The following FBXL22 variants were observed in gnomAD, a reference collection of about 807,000 sequenced individuals.
FBXL22 encodes the protein F-box and leucine-rich protein 22.
Under a neutral mutation model 11.7 loss-of-function variants are expected in FBXL22, and 13 were observed. The ratio of observed to expected loss-of-function variants is 1.11; its 90% confidence interval spans 0.73 to 1.77. The LOEUF (loss-of-function observed/expected upper bound fraction) is 1.77, where lower values mean the gene tolerates loss of function less well. FBXL22 is among the 40% of genes most tolerant of loss of function. The pLI, the probability that FBXL22 is intolerant of heterozygous loss-of-function variation, is 0.00. For synonymous variants in FBXL22, 160 were observed against 144.1 expected, an observed-to-expected ratio of 1.11 and a Z score of -0.79; for missense variants, 406 against 320.4, an observed-to-expected ratio of 1.27 and a Z score of -2.04.
At chr15:63,604,849 G>A (rs564957950), downstream of FBXL22, among the ~76,000 whole-genome samples, 41 of 152,314 alleles carry the variant, frequency 2.7e-4, no homozygotes, top group South Asian at 7.7e-3. Flanking sequence ...GAGGTCAGGA[G>A]TTCAAGACCG....
intron 1 of FBXL22, chr15:63,599,312 G>T: frequency 1.4e-6 from 2 of 1,466,654 alleles, no homozygotes; most frequent in Non-Finnish European, 1.8e-6. Context: ...CCCTGTATCA[G>T]AATTATTCCA....
chr15:63,600,522 G>A (rs1394313094), intron 1 of FBXL22, 175 bp from the exon 2 acceptor site: 3 of 1,228,730 alleles, frequency 2.4e-6, no homozygotes, highest in Non-Finnish European at 2.0e-6. Context: ...AGAAAGAGGA[G>A]GGAAAATGGG....
In FBXL22 at chr15:63,600,763, C is replaced by T; in HGVS notation, c.420C>T (p.Arg140=). Residue 140 remains arginine, a synonymous_variant, in exon 2 of 2, where the codon CGC becomes CGT. Coordinates refer to ENST00000638704, the MANE Select transcript of FBXL22 (RefSeq NM_001367807.1). ...ACGTTACCGACGACTGCCTGGCGCG[C>T]CTGCTGCGCTGCTGCCCACGCCTGC... ...CGHVTDDCLA[R]LLRCCPRLRA... 8.1e-7 allele frequency: 1 copy of T among 1,231,462 alleles called. No homozygotes were observed. Among genetic ancestry groups the T allele is most frequent in the Non-Finnish European group, 1.0e-6 (1 of 987,736 alleles). 76.3% of individuals were successfully genotyped at this position (1,231,462 alleles called of 1,614,324 possible). A position where few individuals can be genotyped will look rare whatever the true frequency, so the allele number is the denominator to read the frequency against.
chr15:63,600,863 C>T lies in FBXL22; in HGVS notation c.520C>T (p.Leu174=), dbSNP rs1465642926. ...TGCCGTGGCGGCGGACGGGCGCGCG[C>T]TGCAGACATTGCACGTGGACTTCTG... ...LAAVAADGRA[L]QTLHVDFCRN... Residue 174 remains leucine, a synonymous_variant, in exon 2 of 2, where the codon CTG becomes TTG. Transcript: ENST00000638704. 2.0e-4 allele frequency: 244 copies of T among 1,229,258 alleles called. No homozygotes were observed. Among genetic ancestry groups the T allele is most frequent in the Non-Finnish European group, 2.4e-4 (235 of 986,450 alleles). The allele number at this position is 1,229,258 out of a possible 1,614,324, so 76.1% of individuals were successfully genotyped here. A position where few individuals can be genotyped will look rare whatever the true frequency, so the allele number is the denominator to read the frequency against.
At chr15:63,603,970 G>A (rs1250095608), downstream of FBXL22, among the ~76,000 whole-genome samples, 1 of 152,174 alleles carries the variant, frequency 6.6e-6, no homozygotes, top group African/African-American at 2.4e-5. Context: ...GGCTTCCAGG[G>A]GGTTGAATGT....
At chr15:63,606,780 T>G (rs530320123), downstream of FBXL22, among the ~76,000 whole-genome samples, 1 of 152,268 alleles carries the variant, frequency 6.6e-6, no homozygotes, top group South Asian at 2.1e-4. Flanking sequence ...CTGTGCAGAT[T>G]CCCCTCACAG....
chr15:63,607,923 A>AAC, the FBXL22 span, among the ~76,000 whole-genome samples: 4 of 152,178 alleles, frequency 2.6e-5, no homozygotes, highest in African/African-American at 9.7e-5. Flanking sequence ...GATGCTGCTG[A>AAC]ACACACACAC....
chr15:63,599,255 A>G, intron 1 of FBXL22: 1 of 1,524,788 alleles, frequency 6.6e-7, no homozygotes, highest in Non-Finnish European at 8.8e-7. Context: ...GTCGGGAGGA[A>G]TGGCTGAGGA....
At chr15:63,604,676 A>G (rs1216573178), downstream of FBXL22, among the ~76,000 whole-genome samples, 1 of 152,216 alleles carries the variant, frequency 6.6e-6, no homozygotes, top group Non-Finnish European at 1.5e-5. Context: ...TGGAGCTTCC[A>G]GATAGCTACA....
In FBXL22 at chr15:63,600,782, C is replaced by A. The variant is rs2067356245; in HGVS notation, c.439C>A (p.Arg147Ser). ...GGCGCGCCTGCTGCGCTGCTGCCCA[C>A]GCCTGCGCGCACTGCGCCTGGAGAA... ...CLARLLRCCP[R>S]LRALRLENCA... The change falls in exon 2 of 2, where the codon CGC becomes AGC. Residue 147 changes from arginine to serine, a missense_variant. Transcript: ENST00000638704. 1 of 1,231,152 alleles carries A rather than the reference C, an allele frequency of 8.1e-7. No individual in the cohort carries two copies. Among genetic ancestry groups the A allele is most frequent in the African/African-American group, 1.6e-5 (1 of 64,376 alleles). The allele number at this position is 1,231,152 out of a possible 1,614,324, so 76.3% of individuals were successfully genotyped here.
Position 63,597,742 on chromosome 15 carries a change from A to G in FBXL22, c.350A>G (p.Asp117Gly), listed in dbSNP as rs139954123. 2.6e-3 allele frequency: 4,024 copies of G among 1,572,500 alleles called. 11 individuals carry two copies. Among genetic ancestry groups the G allele is most frequent in the Non-Finnish European group, 2.9e-3 (3,380 of 1,155,932 alleles). ...AATGATTTCCTCCTCCGGGTGTGCG[A>G]CAGGTAGGCCACCTTGCCTCCTGAG... Reference protein sequence around the residue: ...LVNDFLLRVCDRCPNLASVTL... With the variant: ...LVNDFLLRVCGRCPNLASVTL... The change falls in exon 1 of 2, where the codon GAC becomes GGC. Residue 117 changes from aspartate (D) to glycine (G), a missense_variant. By Grantham distance (94) the Asp-to-Gly change is moderately conservative (BLOSUM62 -1). Coordinates refer to ENST00000638704, the MANE Select transcript of FBXL22 (RefSeq NM_001367807.1). This position sits in a 1 kb window ranked among gnomAD's most constrained non-coding sequence, Gnocchi z 4.3.
chr15:63,604,238 T>G (rs1434315502), downstream of FBXL22, among the ~76,000 whole-genome samples: 3 of 152,178 alleles, frequency 2.0e-5, no homozygotes, highest in African/African-American at 4.8e-5. Context: ...ACCTTGCTTT[T>G]GGGGTTCTTT....
chr15:63,601,368 A>G, downstream of FBXL22: 1 of 1,604,230 alleles, frequency 6.2e-7, no homozygotes, highest in Non-Finnish European at 8.5e-7. Context: ...TCGCCGTTGG[A>G]CCGAAATCAC....
chr15:63,599,229 C>G (rs1402112024), intron 1 of FBXL22: 1 of 1,535,502 alleles, frequency 6.5e-7, no homozygotes, highest in African/African-American at 1.4e-5. Context: ...TCTGGTTCTT[C>G]TGGCACTCAG....
chr15:63,606,393 G>A (rs1361967755), downstream of FBXL22, among the ~76,000 whole-genome samples: 2 of 152,182 alleles, frequency 1.3e-5, no homozygotes, highest in Non-Finnish European at 2.9e-5. Flanking sequence ...GCTTGAGGCT[G>A]CTTAAGGGTC....
rs544063023 is a variant in FBXL22, at chr15:63,599,269, C to T, written c.354-1428C>T. ...GGTCGGGAGGAATGGCTGAGGATGG[C>T]TGGGCAGGGGGACAGTCCGCTCTTT... On this transcript the variant is annotated intron_variant, in intron 1 of 1. Transcript: ENST00000638704. 9.9e-6 allele frequency: 15 copies of T among 1,521,632 alleles called. No individual in the cohort carries two copies. The East Asian group carries it at 3.4e-4, about 35-fold the overall frequency. The allele number at this position is 1,521,632 out of a possible 1,614,324, so 94.3% of individuals were successfully genotyped here.
chr15:63,597,795 C>T lies in FBXL22; in HGVS notation c.353+50C>T. On this transcript the variant is annotated intron_variant, in intron 1 of 1. Transcript: ENST00000638704. The surrounding 1 kb of genome is among the most constrained non-coding windows in gnomAD (Gnocchi z 4.3). ...GTGCTGGCCCCGCTAGCTCTGGCTT[C>T]CCTCTTGGGGGGCAGGGAAGAGCAA... 1 of 1,501,874 alleles carries T rather than the reference C, an allele frequency of 6.7e-7. No homozygotes were observed. Among genetic ancestry groups the T allele is most frequent in the Non-Finnish European group, 8.9e-7 (1 of 1,119,876 alleles). 93.0% of individuals were successfully genotyped at this position (1,501,874 alleles called of 1,614,324 possible).
chr15:63,601,657 T>A (rs765254694), downstream of FBXL22: 1 of 1,608,020 alleles, frequency 6.2e-7, no homozygotes, highest in Non-Finnish European at 8.5e-7. Context: ...CCCGCCCACC[T>A]TTCCTGGGGC....
chr15:63,607,656 A>T, the FBXL22 span, among the ~76,000 whole-genome samples: 1 of 152,236 alleles, frequency 6.6e-6, no homozygotes, highest in Non-Finnish European at 1.5e-5. Flanking sequence ...TTTCTCTTTG[A>T]AGACATACAC....
Sources: gnomAD v4.1 joint callset for allele counts (sites outside exome capture counted in the v4.1 genomes callset) on GRCh38, gnomAD v4.1.1 for gene constraint, Gnocchi (gnomAD v3.1) non-coding constraint, MANE v1.5 for transcripts, NCBI Gene and HGNC (gene_info 2026-07-23, HGNC 2026-07-21) for gene names.